Variants in DLGAP2 observed in about 807,000 individuals in gnomAD.
DLGAP2 encodes disks large-associated protein 2.
In DLGAP2, 26 loss-of-function variants were observed where a neutral mutation model predicts 100.3. That is an observed-to-expected ratio of 0.26 (90% CI 0.19 to 0.36). The LOEUF (loss-of-function observed/expected upper bound fraction) is 0.36, where lower values mean the gene tolerates loss of function less well. DLGAP2 is among the 10% of genes least tolerant of loss of function. The probability of loss-of-function intolerance (pLI) is 1.00; values close to 1 mark genes in which losing one functional copy is unlikely to be tolerated. For synonymous variants in DLGAP2, 886 were observed against 630.1 expected (o/e 1.41, Z -6.08); for missense variants, 1,858 against 1,453.2 (o/e 1.28, Z -4.53).
intron 3 of DLGAP2, among the ~76,000 whole-genome samples, chr8:1,307,189 G>A (rs936323416): frequency 9.2e-6 from 1 of 108,760 alleles, no homozygotes; most frequent in African/African-American, 4.0e-5. Flanking sequence ...AACTACAACA[G>A]CAAAATAATC....
At chr8:1,336,973 A>T (rs559840171) in intron 3 of DLGAP2, among the ~76,000 whole-genome samples, 13 of 152,366 alleles carry the variant, frequency 8.5e-5, no homozygotes, top group Admixed American at 3.9e-4. Flanking sequence ...AAATGAAGAT[A>T]TTATTGACCA....
intron 1 of DLGAP2, among the ~76,000 whole-genome samples, chr8:898,652 CCTCA>C (rs141970109): frequency 0.14 from 21,828 of 151,996 alleles, 1,660 homozygotes; most frequent in East Asian, 0.3. Context: ...ATTGCTGGGT[CCTCA>C]CTCAGATGCC....
chr8:1,557,025 A>G (rs1801988345), intron 5 of DLGAP2, among the ~76,000 whole-genome samples: 1 of 151,368 alleles, frequency 6.6e-6, no homozygotes, highest in African/African-American at 2.4e-5. Flanking sequence ...GCGTTTCTCA[A>G]GCTCAGCACG....
chr8:1,083,084 C>A (rs1348161891), intron 2 of DLGAP2, among the ~76,000 whole-genome samples: 1 of 152,152 alleles, frequency 6.6e-6, no homozygotes, highest in Non-Finnish European at 1.5e-5. Flanking sequence ...CAACAAGAGA[C>A]GTGATCAGTT....
chr8:1,290,260 G>A (rs1036212021), intron 3 of DLGAP2, among the ~76,000 whole-genome samples: 10 of 152,210 alleles, frequency 6.6e-5, no homozygotes, highest in South Asian at 6.2e-4. Flanking sequence ...AATCACGTCC[G>A]TCGCGCTCCT....
intron 3 of DLGAP2, among the ~76,000 whole-genome samples, chr8:1,297,437 G>A (rs994372541): frequency 3.2e-4 from 47 of 148,622 alleles, no homozygotes; most frequent in African/African-American, 8.7e-4. Context: ...CAGACACCAC[G>A]CGAGACAGGG....
intron 12 of DLGAP2, among the ~76,000 whole-genome samples, chr8:1,683,856 A>ATATATATATATATATATATGTG (rs1467438870): frequency 9.6e-5 from 6 of 62,242 alleles, no homozygotes; most frequent in African/African-American, 4.2e-4. Context: ...ATATATATAT[A>ATATATATATATATATATATGTG]TGTGTGTGTG....
intron 1 of DLGAP2, among the ~76,000 whole-genome samples, chr8:889,909 C>T (rs4735952): frequency 3.9e-5 from 6 of 152,194 alleles, no homozygotes; most frequent in Admixed American, 3.3e-4. Context: ...GTGGGATCTT[C>T]TGATCCGTGG....
chr8:1,692,458 T>C (rs1386801310), intron 13 of DLGAP2, among the ~76,000 whole-genome samples: 32 of 115,644 alleles, frequency 2.8e-4, no homozygotes, highest in East Asian at 1.3e-3. Context: ...GGCAGGGAGG[T>C]GGATATGGCC....
intron 8 of DLGAP2, among the ~76,000 whole-genome samples, chr8:1,649,028 A>G (rs1468353726): frequency 3.3e-5 from 5 of 152,186 alleles, no homozygotes; most frequent in Admixed American, 3.3e-4. Context: ...ATGTCTGGGG[A>G]GAGGTCCGGA....
At chr8:1,181,958 C>T (rs1480239433) in intron 2 of DLGAP2, among the ~76,000 whole-genome samples, 1 of 152,204 alleles carries the variant, frequency 6.6e-6, no homozygotes, top group African/African-American at 2.4e-5. Flanking sequence ...TTTAGGTGAA[C>T]ATAGATACAG....
chr8:1,039,805 C>T (rs1376358437), intron 2 of DLGAP2, among the ~76,000 whole-genome samples: 32 of 140,590 alleles, frequency 2.3e-4, no homozygotes, highest in African/African-American at 7.2e-4. Flanking sequence ...GCTCGGTTTC[C>T]GTGGTCGGCT....
At position 1,236,130 on chromosome 8, in the gene DLGAP2, T is replaced by G. The variant is rs560086312; in HGVS notation, c.74-22721T>G. Among the ~76,000 whole-genome samples, 410 of 79,190 alleles carry G rather than the reference T, an allele frequency of 5.2e-3. 16 individuals carry two copies. Among genetic ancestry groups the G allele is most frequent in the African/African-American group, 0.019 (375 of 19,548 alleles). The allele number at this position is 79,190 out of a possible 152,430, so 52.0% of individuals were successfully genotyped here. Reference sequence around the variant, plus strand: ...GTACCATGTCTAGTTCTCTCACATGTTGCCGTGTCTAGTTCTCTCTCACAC... The same window carrying G: ...GTACCATGTCTAGTTCTCTCACATGGTGCCGTGTCTAGTTCTCTCTCACAC... On this transcript the variant is annotated intron_variant, in intron 2 of 14. Transcript: ENST00000637795.
At chr8:1,000,796 A>G (rs1384050950) in intron 2 of DLGAP2, among the ~76,000 whole-genome samples, 1 of 152,124 alleles carries the variant, frequency 6.6e-6, no homozygotes, top group East Asian at 1.9e-4. Context: ...TGGCTCCTCA[A>G]GACTCCAAGC....
chr8:1,140,481 G>C (rs1459102993), intron 2 of DLGAP2, among the ~76,000 whole-genome samples: 1 of 152,114 alleles, frequency 6.6e-6, no homozygotes, highest in African/African-American at 2.4e-5. Context: ...GAGGCCCCTG[G>C]GTCCCATGCA....
intron 1 of DLGAP2, among the ~76,000 whole-genome samples, chr8:895,496 T>C (rs1003809758): frequency 1.3e-5 from 2 of 152,086 alleles, no homozygotes; most frequent in African/African-American, 4.8e-5. Context: ...TTGGCGCTGA[T>C]GAGGAGCAGG....
intron 4 of DLGAP2, among the ~76,000 whole-genome samples, chr8:1,520,503 G>T (rs988229612): frequency 6.6e-6 from 1 of 152,116 alleles, no homozygotes; most frequent in Non-Finnish European, 1.5e-5. Flanking sequence ...GGGTTTGGAC[G>T]AGTGTTTAAT....
intron 1 of DLGAP2, among the ~76,000 whole-genome samples, chr8:884,698 C>T (rs1366483675): frequency 6.6e-6 from 1 of 151,694 alleles, no homozygotes; most frequent in Admixed American, 6.5e-5. Context: ...TCAATGAAGT[C>T]TTTGCCCTTG....
chr8:1,612,330 C>T (rs1353890065), intron 6 of DLGAP2, among the ~76,000 whole-genome samples: 10 of 60,160 alleles, frequency 1.7e-4, no homozygotes, highest in African/African-American at 5.0e-4. Context: ...GGAAAACTGG[C>T]TAGCCATATG....
Sources: allele counts gnomAD v4.1 joint callset (sites outside exome capture counted in the v4.1 genomes callset), GRCh38; gene constraint gnomAD v4.1.1; transcripts MANE v1.5; gene names NCBI Gene and HGNC (gene_info 2026-07-23, HGNC 2026-07-21).